FGD6: variants seen among roughly 807,000 people sequenced by gnomAD.
FGD6 encodes FYVE, RhoGEF and PH domain containing 6.
FGD6 carries 90 observed loss-of-function variants against 149.4 expected under a neutral mutation model. That is an observed-to-expected ratio of 0.60 (90% CI 0.51 to 0.72). The LOEUF (loss-of-function observed/expected upper bound fraction) is 0.72, where lower values mean the gene tolerates loss of function less well. FGD6 is among the 30% of genes least tolerant of loss of function. FGD6 has a pLI of 0.00. For missense variants in FGD6, 1,437 were observed against 1,684.8 expected (o/e 0.85, Z 2.57); for synonymous variants, 527 against 584.0 (o/e 0.90, Z 1.41).
intron 5 of FGD6, 148 bp from the exon 6 acceptor site, chr12:95,141,687 T>A: frequency 1.2e-6 from 1 of 815,716 alleles, no homozygotes; most frequent in Non-Finnish European, 1.9e-6. Context: ...ACCCCCTTCC[T>A]CCTACCCCAC....
At chr12:95,094,504 A>C (rs1878175537) in intron 15 of FGD6, 88 bp downstream of exon 15, 17 of 832,934 alleles carry the variant, frequency 2.0e-5, no homozygotes, top group Non-Finnish European at 3.1e-5. Context: ...TTTCTGAAAC[A>C]CATGTTGCTT....
intron 1 of FGD6, among the ~76,000 whole-genome samples, chr12:95,211,842 A>G (rs2056729234): frequency 6.6e-6 from 1 of 152,262 alleles, no homozygotes; most frequent in Admixed American, 6.5e-5. Context: ...CCAGCCCATC[A>G]TATCTTTCAT....
rs373044426 is a variant in FGD6 at position 95,140,833 on chromosome 12, C to T, written c.2837+555G>A. Among the ~76,000 whole-genome samples the T allele has an allele frequency of 6.6e-5, 10 of 152,250 alleles. No homozygotes were observed. In the East Asian group the frequency reaches 1.9e-3, roughly 29 times the overall value. ...CAAGTTCACCTATAGAAATTTAAAT[C>T]GGCTGCATCTTGCTTCTGAGGCAGG... On this transcript the variant is annotated intron_variant, in intron 6 of 20. Coordinates refer to ENST00000343958, the MANE Select transcript of FGD6 (RefSeq NM_018351.4).
intron 5 of FGD6, among the ~76,000 whole-genome samples, chr12:95,147,019 G>A (rs984570873): frequency 2.0e-5 from 3 of 152,106 alleles, no homozygotes; most frequent in Admixed American, 1.3e-4. Flanking sequence ...TGACCCAGCT[G>A]CCTGACCTCA....
At chr12:95,211,304 A>C in intron 1 of FGD6, 37 bp from the exon 2 acceptor site, 1 of 1,517,408 alleles carries the variant, frequency 6.6e-7, no homozygotes, top group Non-Finnish European at 8.7e-7. Context: ...TGTCAAAACA[A>C]CCAAAGCACA....
At chr12:95,181,639 T>A (rs903161241) in intron 2 of FGD6, among the ~76,000 whole-genome samples, 11 of 152,174 alleles carry the variant, frequency 7.2e-5, no homozygotes, top group Admixed American at 5.9e-4. Flanking sequence ...ATTCTGAGCT[T>A]GAGGTTGCCT....
chr12:95,104,370 G>A (rs964469916), intron 14 of FGD6, among the ~76,000 whole-genome samples: 1 of 152,108 alleles, frequency 6.6e-6, no homozygotes, highest in African/African-American at 2.4e-5. Context: ...AAGCTAAGGT[G>A]GGAAGATTGC....
chr12:95,146,330 C>T (rs1880015686), intron 5 of FGD6, among the ~76,000 whole-genome samples: 1 of 152,108 alleles, frequency 6.6e-6, no homozygotes, highest in African/African-American at 2.4e-5. Flanking sequence ...TAAATGTTAA[C>T]AACCAGGATA....
chr12:95,181,875 C>T (rs959271481), intron 2 of FGD6, among the ~76,000 whole-genome samples: 1 of 149,310 alleles, frequency 6.7e-6, no homozygotes, highest in African/African-American at 2.5e-5. Flanking sequence ...AATGGCGAGG[C>T]AGAGCTTGCA....
At chr12:95,213,968 T>C (rs892889229) in intron 1 of FGD6, among the ~76,000 whole-genome samples, 3 of 152,226 alleles carry the variant, frequency 2.0e-5, no homozygotes, top group African/African-American at 7.2e-5. Context: ...TGCCTCACTT[T>C]CCTTCCTTAT....
intron 3 of FGD6, 90 bp from the exon 4 acceptor site, chr12:95,153,083 C>T (rs1880357848): frequency 8.8e-7 from 1 of 1,133,626 alleles, no homozygotes; most frequent in Admixed American, 1.9e-5. Context: ...AACTCTGATA[C>T]TTGTAAGTTT....
At chr12:95,099,665 CCAT>C (rs767829757) in intron 14 of FGD6, among the ~76,000 whole-genome samples, 2 of 152,242 alleles carry the variant, frequency 1.3e-5, no homozygotes, top group Middle Eastern at 3.4e-3. Context: ...CCAAGACACA[CCAT>C]CATCTGCTGG....
chr12:95,133,247 G>A (rs191402995), intron 8 of FGD6, among the ~76,000 whole-genome samples: 230 of 152,186 alleles, frequency 1.5e-3, no homozygotes, highest in African/African-American at 5.3e-3. Flanking sequence ...GTGAAACCCC[G>A]CCTCTACTAA....
intron 8 of FGD6, among the ~76,000 whole-genome samples, chr12:95,118,645 T>C (rs1387184252): frequency 6.6e-6 from 1 of 152,144 alleles, no homozygotes; most frequent in Non-Finnish European, 1.5e-5. Context: ...AATGAGTGTA[T>C]AGGAGGGATA....
chr12:95,095,873 G>A (rs1180126075), intron 14 of FGD6, among the ~76,000 whole-genome samples: 4 of 152,056 alleles, frequency 2.6e-5, no homozygotes, highest in Non-Finnish European at 5.9e-5. Flanking sequence ...AGTTAGCCGG[G>A]TGTGGTGGTG....
intron 14 of FGD6, 43 bp from the exon 15 acceptor site, chr12:95,094,737 G>T: frequency 1.4e-6 from 2 of 1,421,802 alleles, no homozygotes; most frequent in South Asian, 1.2e-5. Flanking sequence ...GTCAGTTTTT[G>T]TTCTTTTCCT....
At chr12:95,121,473 ATATATATG>A (rs756635740) in intron 8 of FGD6, among the ~76,000 whole-genome samples, 6,151 of 58,954 alleles carry the variant, frequency 0.1, 191 homozygotes, top group South Asian at 0.25. Context: ...AGATATATAT[ATATATATG>A]TATATATATA....
In FGD6 at chr12:95,148,641, TTATATATATTATATATTATATAA is replaced by T. The variant is rs1565908208; in HGVS notation, c.2685+4147_2685+4169del. ...TATATAATACATAGCATATGTTATA[TTATATATATTATATATTATATAA>T]TACATAGCATATGTTATATTATATA... On this transcript the variant is annotated intron_variant, in intron 5 of 20. Transcript: ENST00000343958. Among the ~76,000 whole-genome samples, 284 of 113,978 alleles carry T rather than the reference TTATATATATTATATATTATATAA, an allele frequency of 2.5e-3. 7 individuals are homozygous for T. Among genetic ancestry groups the T allele is most frequent in the African/African-American group, 9.5e-3 (270 of 28,384 alleles). The allele number at this position is 113,978 out of a possible 152,430, so 74.8% of individuals were successfully genotyped here. A position where few individuals can be genotyped will look rare whatever the true frequency, so the allele number is the denominator to read the frequency against.
chr12:95,126,335 T>G (rs1040492072), intron 8 of FGD6: 1 of 1,558,450 alleles, frequency 6.4e-7, no homozygotes, highest in Non-Finnish European at 8.7e-7. Context: ...CTCAGAAGGG[T>G]CAAAAAGCTC....
Sources: allele counts gnomAD v4.1 joint callset (sites outside exome capture counted in the v4.1 genomes callset), GRCh38; gene constraint gnomAD v4.1.1; transcripts MANE v1.5; gene names NCBI Gene and HGNC (gene_info 2026-07-23, HGNC 2026-07-21).